The following FAM133B variants were observed in gnomAD, a reference collection of about 807,000 sequenced individuals.
FAM133B encodes protein FAM133B.
In FAM133B, 25 loss-of-function variants were observed where a neutral mutation model predicts 46.4. That is an observed-to-expected ratio of 0.54 (90% CI 0.39 to 0.75). The LOEUF (loss-of-function observed/expected upper bound fraction) is 0.75. Ranked by LOEUF, FAM133B falls within the 30% of genes least tolerant of loss-of-function variation. The probability of loss-of-function intolerance (pLI) is 0.00; values close to 1 mark genes in which losing one functional copy is unlikely to be tolerated. For synonymous variants in FAM133B, 75 were observed against 86.0 expected (o/e 0.87, Z 0.71); for missense variants, 205 against 277.6 (o/e 0.74, Z 1.86).
chr7:92,587,120 G>A (rs1229069038), intron 1 of FAM133B, among the ~76,000 whole-genome samples: 1 of 152,072 alleles, frequency 6.6e-6, no homozygotes, highest in Admixed American at 6.6e-5. Flanking sequence ...GTTCAATTTG[G>A]CTGTGAACCT....
chr7:92,569,636 A>G, intron 9 of FAM133B, 187 bp downstream of exon 9: 1 of 340,998 alleles, frequency 2.9e-6, no homozygotes. Flanking sequence ...AATTATAAAA[A>G]ATAATAGATA....
At chr7:92,582,289 A>ATAACATAACG (rs1209794613) in intron 1 of FAM133B, among the ~76,000 whole-genome samples, 1 of 137,718 alleles carries the variant, frequency 7.3e-6, no homozygotes, top group African/African-American at 3.1e-5. Flanking sequence ...ATAACATAAC[A>ATAACATAACG]TAACATAACA....
In FAM133B at chr7:92,579,231, G is replaced by A. The variant is rs750623924; in HGVS notation, c.201+86C>T. On this transcript the variant is annotated intron_variant, in intron 3 of 10. Coordinates refer to ENST00000445716, the MANE Select transcript of FAM133B (RefSeq NM_152789.4). ...TCATGAACTCCTGGCCTCCCGTTTC[G>A]GCCTCCCAAAGTGCTGGAATTATAG... 44 of 1,165,686 alleles carry A rather than the reference G, an allele frequency of 3.8e-5. No individual in the cohort carries two copies. The South Asian group carries it at 4.7e-4, about 13-fold the overall frequency. The allele number at this position is 1,165,686 out of a possible 1,614,324, so 72.2% of individuals were successfully genotyped here. A position where few individuals can be genotyped will look rare whatever the true frequency, so the allele number is the denominator to read the frequency against.
intron 8 of FAM133B, 115 bp from the exon 9 acceptor site, chr7:92,570,030 A>AC: frequency 2.3e-6 from 1 of 442,400 alleles, no homozygotes; most frequent in Non-Finnish European, 3.9e-6. Context: ...TTTATTTTAG[A>AC]ATGTCTAAAA....
chr7:92,577,426 C>T, intron 6 of FAM133B: 2 of 439,836 alleles, frequency 4.5e-6, no homozygotes, highest in Non-Finnish European at 7.9e-6. Flanking sequence ...ATATTTTCTT[C>T]TACTGATATT....
At chr7:92,583,042 G>A (rs1237658869) in intron 1 of FAM133B, among the ~76,000 whole-genome samples, 1 of 152,128 alleles carries the variant, frequency 6.6e-6, no homozygotes, top group African/African-American at 2.4e-5. Context: ...CACAACTGCA[G>A]AATTCACAAA....
At chr7:92,577,610 A>C (rs1233829916) in intron 6 of FAM133B, 45 bp downstream of exon 6, 1 of 1,461,662 alleles carries the variant, frequency 6.8e-7, no homozygotes, top group South Asian at 1.3e-5. Context: ...GACATTAAAG[A>C]AATTAAGAGA....
intron 8 of FAM133B, among the ~76,000 whole-genome samples, chr7:92,571,029 A>G (rs1157779934): frequency 6.6e-6 from 1 of 152,192 alleles, no homozygotes; most frequent in Non-Finnish European, 1.5e-5. Context: ...CATTCACTAA[A>G]ATGCCAGAAT....
At chr7:92,563,562 T>A (rs1029289306) in intron 10 of FAM133B, among the ~76,000 whole-genome samples, 1 of 152,168 alleles carries the variant, frequency 6.6e-6, no homozygotes, top group African/African-American at 2.4e-5. Context: ...ACTCTCCCAG[T>A]CACATGCTTT....
intron 8 of FAM133B, among the ~76,000 whole-genome samples, chr7:92,575,404 T>C (rs933969835): frequency 2.3e-4 from 35 of 152,004 alleles, no homozygotes; most frequent in Middle Eastern, 3.4e-3. Context: ...ACCCAGGAGA[T>C]AGAGGTTGCA....
intron 1 of FAM133B, 41 bp from the exon 2 acceptor site, chr7:92,581,644 T>A: frequency 6.6e-7 from 1 of 1,520,092 alleles, no homozygotes; most frequent in Non-Finnish European, 9.1e-7. Context: ...AAGCAATCAT[T>A]AAACATGCAA....
At chr7:92,589,060 TAA>T (rs984844030) in intron 1 of FAM133B, among the ~76,000 whole-genome samples, 3 of 152,248 alleles carry the variant, frequency 2.0e-5, no homozygotes, top group African/African-American at 7.2e-5. Flanking sequence ...TCGTAAATGT[TAA>T]GTCTCCTTTG....
intron 1 of FAM133B, among the ~76,000 whole-genome samples, chr7:92,584,916 C>A (rs1794997061): frequency 6.6e-6 from 1 of 152,120 alleles, no homozygotes; most frequent in African/African-American, 2.4e-5. Context: ...CACCTGTAAT[C>A]TAGCACTTTG....
rs143826131 is a variant in FAM133B at position 92,571,820 on chromosome 7, G to A, written c.517-1905C>T. Among the ~76,000 whole-genome samples the A allele has an allele frequency of 3.2e-3, 484 of 152,220 alleles. 4 individuals are homozygous for A. The highest frequency in any genetic ancestry group is 0.011 in the African/African-American group (469 of 41,532). ...TTATAATGTTTTAATATCCAGTACGGCAAGTTATACCCAGGAACACGTTAT... is the reference window on the plus strand; with the variant it reads ...TTATAATGTTTTAATATCCAGTACGACAAGTTATACCCAGGAACACGTTAT... On this transcript the variant is annotated intron_variant, in intron 8 of 10. Coordinates refer to ENST00000445716, the MANE Select transcript of FAM133B (RefSeq NM_152789.4).
At chr7:92,569,958 G>T in intron 8 of FAM133B, 43 bp from the exon 9 acceptor site, 1 of 874,426 alleles carries the variant, frequency 1.1e-6, no homozygotes, top group Non-Finnish European at 1.6e-6. Context: ...GACATACTTT[G>T]TCACACACAT....
chr7:92,571,294 A>G (rs1049904853), intron 8 of FAM133B, among the ~76,000 whole-genome samples: 8 of 152,156 alleles, frequency 5.3e-5, no homozygotes, highest in African/African-American at 1.9e-4. Flanking sequence ...CAGAGAATAC[A>G]GTTTGTGTTT....
intron 8 of FAM133B, among the ~76,000 whole-genome samples, chr7:92,573,217 G>T (rs1292961417): frequency 1.3e-5 from 2 of 148,734 alleles, no homozygotes; most frequent in African/African-American, 5.0e-5. Flanking sequence ...ATCCAAGCTG[G>T]AGTGCACTGG....
At position 92,562,321 on chromosome 7, in the gene FAM133B, C is replaced by G. The variant is rs1056699842; in HGVS notation, c.705G>C (p.Lys235Asn). Residue 235 changes from lysine (K) to asparagine (N), a missense_variant, in exon 11 of 11, where the codon AAG becomes AAC. Coordinates refer to ENST00000445716, the MANE Select transcript of FAM133B (RefSeq NM_152789.4). ...KKKHKKHSKK[K>N]KKKAASSSPD... ...GACTTGAACTAGCAGCCTTCTTTTT[C>G]TTCTTCTTACTGTGTTTCTTATGCT... 6 of 1,534,564 alleles carry G rather than the reference C, an allele frequency of 3.9e-6. No individual in the cohort carries two copies. The African/African-American group carries it at 8.2e-5, about 21-fold the overall frequency.
Position 92,581,562 on chromosome 7 carries a change from T to G in FAM133B, c.66A>C (p.Pro22=). The change falls in exon 2 of 11, where the codon CCA becomes CCC. Residue 22 remains proline, a synonymous_variant. Coordinates refer to ENST00000445716, the MANE Select transcript of FAM133B (RefSeq NM_152789.4). The stretch of plus-strand genomic sequence containing the variant: ...GTATTGTTGGCCCTGAAGACTGGAT[T>G]GGACCCCTTGATCTCGCCATTGCTA... ...NPIAMARSRG[P]IQSSGPTIQD... The G allele has an allele frequency of 1.2e-6, 2 of 1,613,942 alleles. No homozygotes were observed. The highest frequency in any genetic ancestry group is 1.7e-6 in the Non-Finnish European group (2 of 1,179,844).
Sources: gnomAD v4.1 joint callset for allele counts (sites outside exome capture counted in the v4.1 genomes callset) on GRCh38, gnomAD v4.1.1 for gene constraint, MANE v1.5 for transcripts, NCBI Gene and HGNC (gene_info 2026-07-23, HGNC 2026-07-21) for gene names.